Variants in PDE4D observed in about 807,000 individuals in gnomAD.
The protein encoded by PDE4D is 3',5'-cyclic-AMP phosphodiesterase 4D.
A neutral mutation model predicts 87.4 loss-of-function variants in PDE4D; 24 were observed. The observed-to-expected ratio is 0.27, with a 90% confidence interval of 0.20 to 0.39. The LOEUF (loss-of-function observed/expected upper bound fraction) is 0.39. PDE4D is among the 10% of genes least tolerant of loss of function. The pLI is 1.00. For synonymous variants in PDE4D, 384 were observed against 383.2 expected (o/e 1.00, Z -0.02); for missense variants, 714 against 1,041.0 (o/e 0.69, Z 4.32).
Position 59,860,084 on chromosome 5 carries a change from A to T in PDE4D, c.455+33084T>A, listed in dbSNP as rs1746033470. 1.3e-5 allele frequency among the ~76,000 whole-genome samples: 2 copies of T among 152,212 alleles called. 1 individual carries two copies. The highest frequency in any genetic ancestry group is 4.1e-4 in the South Asian group (2 of 4,832). ...AGGAGAAATCAACAAGATATTAGGG[A>T]TAGCTATAAGGACCCGTCGAGTAAG... is the stretch of plus-strand genomic sequence containing the variant. On this transcript the variant is annotated intron_variant, in intron 1 of 14. Transcript: ENST00000340635.
chr5:59,411,467 T>C (rs917231702), intron 1 of PDE4D, among the ~76,000 whole-genome samples: 1 of 152,230 alleles, frequency 6.6e-6, no homozygotes, highest in African/African-American at 2.4e-5. Context: ...TACACGACAG[T>C]AATACGTTTT....
rs1297409797 is a variant in PDE4D, at chr5:60,257,223, AG to A, written c.-89-71537del. ...GAAAGAATGAATGAAAGAAAGAAAGAGAAAGAAAGAAAGAAAGAAAGAAAGA... is the reference window on the plus strand; with the variant it reads ...GAAAGAATGAATGAAAGAAAGAAAGAAAAGAAAGAAAGAAAGAAAGAAAGA... On this transcript the variant is annotated intron_variant, in intron 1 of 16. Transcript: ENST00000502484. Among the ~76,000 whole-genome samples, 43 of 5,712 alleles carry A rather than the reference AG, an allele frequency of 7.5e-3. No individual in the cohort carries two copies. The East Asian group carries it at 0.28, about 37-fold the overall frequency. The allele number at this position is 5,712 out of a possible 152,430, so 3.7% of individuals were successfully genotyped here.
intron 1 of PDE4D, among the ~76,000 whole-genome samples, chr5:60,363,262 G>T (rs931243150): frequency 6.6e-6 from 1 of 152,100 alleles, no homozygotes; most frequent in Non-Finnish European, 1.5e-5. Flanking sequence ...GTATATATTT[G>T]CTTCTTTTTC....
chr5:59,075,854 T>C (rs1765608422), intron 5 of PDE4D, among the ~76,000 whole-genome samples: 1 of 152,230 alleles, frequency 6.6e-6, no homozygotes, highest in East Asian at 1.9e-4. Context: ...CCATTTTTTT[T>C]AAAGACCCAT....
At chr5:59,835,369 C>T (rs1365510355) in intron 1 of PDE4D, among the ~76,000 whole-genome samples, 2 of 151,972 alleles carry the variant, frequency 1.3e-5, no homozygotes, top group Non-Finnish European at 2.9e-5. Flanking sequence ...CAGGCAAATG[C>T]CTTTATTCAG....
At chr5:59,156,185 C>G (rs920531765) in intron 5 of PDE4D, among the ~76,000 whole-genome samples, 1 of 151,266 alleles carries the variant, frequency 6.6e-6, no homozygotes. Context: ...TGGATTTTCC[C>G]AAAGTGAGTA....
At chr5:59,203,789 A>G (rs1413429356) in intron 2 of PDE4D, among the ~76,000 whole-genome samples, 2 of 152,208 alleles carry the variant, frequency 1.3e-5, no homozygotes, top group Admixed American at 6.5e-5. Flanking sequence ...ATCTAAAAAC[A>G]AAATCAAACT....
chr5:60,353,033 A>G (rs774071609), intron 1 of PDE4D, among the ~76,000 whole-genome samples: 1 of 152,198 alleles, frequency 6.6e-6, no homozygotes, highest in Non-Finnish European at 1.5e-5. Context: ...TTTAAGACAT[A>G]TAATTAAATG....
At position 59,544,246 on chromosome 5, in the gene PDE4D, T is replaced by C. The variant is rs748013026; in HGVS notation, c.456-328278A>G. 4.3e-4 allele frequency among the ~76,000 whole-genome samples: 66 copies of C among 152,200 alleles called. 2 individuals are homozygous for C. The highest frequency in any genetic ancestry group is 3.2e-4 in the Non-Finnish European group (22 of 68,038). On this transcript the variant is annotated intron_variant, in intron 1 of 14. Transcript: ENST00000340635. ...TGAAGAAGGAACTCAGGGATTGAAT[T>C]ACCCAATTGACGCTAGTTCTACCCA...
At chr5:59,849,925 C>G (rs920690223) in intron 1 of PDE4D, among the ~76,000 whole-genome samples, 1 of 151,944 alleles carries the variant, frequency 6.6e-6, no homozygotes, top group Non-Finnish European at 1.5e-5. Flanking sequence ...GGGTACTATA[C>G]ATATGGGCAG....
At chr5:60,226,466 T>G (rs559656558) in intron 1 of PDE4D, among the ~76,000 whole-genome samples, 7 of 152,238 alleles carry the variant, frequency 4.6e-5, no homozygotes, top group African/African-American at 1.7e-4. Context: ...TTCACAAAAA[T>G]AATGTAAGCC....
intron 1 of PDE4D, chr5:59,768,519 C>G (rs779623831): frequency 1.3e-6 from 2 of 1,597,412 alleles, no homozygotes; most frequent in Non-Finnish European, 1.7e-6. Flanking sequence ...TTTTCCTGGT[C>G]AACTTTGTAC....
At chr5:59,650,591 G>A (rs1743286622) in intron 1 of PDE4D, among the ~76,000 whole-genome samples, 1 of 152,082 alleles carries the variant, frequency 6.6e-6, no homozygotes, top group Admixed American at 6.5e-5. Flanking sequence ...CCATTCTTAA[G>A]TGTGATTTAA....
At chr5:59,508,376 T>C (rs566094735) in intron 1 of PDE4D, among the ~76,000 whole-genome samples, 16 of 152,304 alleles carry the variant, frequency 1.1e-4, no homozygotes, top group African/African-American at 3.8e-4. Context: ...TAATATGGCA[T>C]TGGATATTTG....
chr5:59,193,494 G>T lies in PDE4D; in HGVS notation c.684+6C>A, dbSNP rs775918102. The T allele has an allele frequency of 3.1e-6, 5 of 1,613,202 alleles. No homozygotes were observed. Among genetic ancestry groups the T allele is most frequent in the Non-Finnish European group, 4.2e-6 (5 of 1,179,448 alleles). ...GAAACCTGCCCATTCACCAAGCTGT[G>T]CTTACCTGAGCAAATGGAGTCACAA... On this transcript the variant is annotated splice_donor_region_variant and intron_variant, in intron 3 of 14. Coordinates refer to ENST00000340635, the MANE Select transcript of PDE4D (RefSeq NM_001104631.2).
At chr5:59,417,096 A>T (rs1793739400) in intron 1 of PDE4D, among the ~76,000 whole-genome samples, 1 of 152,138 alleles carries the variant, frequency 6.6e-6, no homozygotes. Context: ...ATTTCTAGGT[A>T]TTATTTTAAC....
At chr5:60,261,960 AGT>A (rs1404638418) in intron 1 of PDE4D, among the ~76,000 whole-genome samples, 1 of 152,134 alleles carries the variant, frequency 6.6e-6, no homozygotes, top group Non-Finnish European at 1.5e-5. Flanking sequence ...ATAACTAGGC[AGT>A]TGACAGAACC....
intron 6 of PDE4D, among the ~76,000 whole-genome samples, chr5:58,994,762 C>T (rs928425025): frequency 2.1e-4 from 32 of 152,022 alleles, no homozygotes; most frequent in African/African-American, 6.8e-4. Flanking sequence ...GTTTTAACTC[C>T]GCATTTAACT....
At chr5:59,414,443 G>C (rs1260781285) in intron 1 of PDE4D, among the ~76,000 whole-genome samples, 3 of 152,178 alleles carry the variant, frequency 2.0e-5, no homozygotes, top group Non-Finnish European at 4.4e-5. Flanking sequence ...AGATCAAGAA[G>C]AATGCAGGGA....
Sources: allele counts gnomAD v4.1 joint callset (sites outside exome capture counted in the v4.1 genomes callset), GRCh38; gene constraint gnomAD v4.1.1; transcripts MANE v1.5; gene names NCBI Gene and HGNC (gene_info 2026-07-23, HGNC 2026-07-21).